CNTLN: variants seen among roughly 807,000 people sequenced by gnomAD.
The protein encoded by CNTLN is centlein, centrosomal protein.
In CNTLN, 212 loss-of-function variants were observed where a neutral mutation model predicts 180.0. The observed-to-expected ratio is 1.18, with a 90% CI of 1.05 to 1.32. The LOEUF is 1.32. CNTLN is among the 40% of genes most tolerant of loss of function. The pLI is 0.00. For missense variants in CNTLN, 2,095 were observed against 1,610.9 expected (o/e 1.30, Z -5.14); for synonymous variants, 722 against 563.1 (o/e 1.28, Z -3.99).
intron 6 of CNTLN, among the ~76,000 whole-genome samples, chr9:17,282,533 G>A (rs1374147078): frequency 1.3e-5 from 2 of 152,066 alleles, no homozygotes; most frequent in Non-Finnish European, 2.9e-5. Context: ...CCATTCTGTA[G>A]GTTGCCTGTT....
chr9:17,347,588 G>C (rs1335276581), intron 12 of CNTLN, among the ~76,000 whole-genome samples: 2 of 149,964 alleles, frequency 1.3e-5, no homozygotes, highest in East Asian at 2.0e-4. Flanking sequence ...AGAATCGCTT[G>C]AACCCAGGAG....
intron 7 of CNTLN, chr9:17,299,980 G>T (rs1420038360): frequency 5.9e-6 from 1 of 170,730 alleles, no homozygotes; most frequent in Non-Finnish European, 1.2e-5. Flanking sequence ...AATGTTCCAG[G>T]CCTCACTCTT....
intron 8 of CNTLN, among the ~76,000 whole-genome samples, chr9:17,323,625 T>G (rs1219056811): frequency 1.3e-5 from 2 of 152,212 alleles, no homozygotes; most frequent in Non-Finnish European, 2.9e-5. Context: ...AGATAATTTG[T>G]AAATTACTTT....
intron 18 of CNTLN, among the ~76,000 whole-genome samples, chr9:17,441,429 G>T (rs576385944): frequency 7.2e-5 from 11 of 152,132 alleles, no homozygotes; most frequent in African/African-American, 2.4e-4. Context: ...TTACATGTGA[G>T]AAGTAAACGT....
At position 17,158,527 on chromosome 9, in the gene CNTLN, T is replaced by C. The variant is rs146403119; in HGVS notation, c.449+15151T>C. Among the ~76,000 whole-genome samples, 57 of 152,146 alleles carry C rather than the reference T, an allele frequency of 3.7e-4. No individual in the cohort carries two copies. In the East Asian group the frequency reaches 4.4e-3, roughly 12 times the overall value. On this transcript the variant is annotated intron_variant, in intron 2 of 25. Coordinates refer to ENST00000380647, the MANE Select transcript of CNTLN (RefSeq NM_017738.4). ...GGTCTAGGCTTTTCTTTGTGGGTAA[T>C]TTTATAGTTATGAGTTCATTTTCTT...
intron 2 of CNTLN, among the ~76,000 whole-genome samples, chr9:17,151,676 A>T (rs1487583860): frequency 6.6e-6 from 1 of 152,190 alleles, no homozygotes; most frequent in Non-Finnish European, 1.5e-5. Flanking sequence ...TGGCCTCATA[A>T]AATGAGTTAG....
At chr9:17,494,899 G>A in intron 25 of CNTLN, 2 of 113,970 alleles carry the variant, frequency 1.8e-5, no homozygotes, top group Non-Finnish European at 1.6e-5. Flanking sequence ...TTTTTTTTTT[G>A]GTCACAGAGT....
intron 2 of CNTLN, among the ~76,000 whole-genome samples, chr9:17,179,159 G>A (rs1820950119): frequency 6.9e-6 from 1 of 145,750 alleles, no homozygotes; most frequent in African/African-American, 2.6e-5. Context: ...CAGGAGAATG[G>A]CGTGAACCCG....
downstream of CNTLN, among the ~76,000 whole-genome samples, chr9:17,506,739 C>A (rs200753824): frequency 2.1e-5 from 3 of 140,954 alleles, no homozygotes; most frequent in East Asian, 2.1e-4. Context: ...GTAAAAACAA[C>A]AAAATGTACC....
At chr9:17,348,598 T>G (rs990057130) in intron 12 of CNTLN, among the ~76,000 whole-genome samples, 2 of 151,830 alleles carry the variant, frequency 1.3e-5, no homozygotes, top group African/African-American at 2.4e-5. Flanking sequence ...TGGAGTGATT[T>G]TGGCTCACTG....
At chr9:17,462,513 A>G (rs1392397516) in intron 19 of CNTLN, among the ~76,000 whole-genome samples, 1 of 151,798 alleles carries the variant, frequency 6.6e-6, no homozygotes, top group African/African-American at 2.4e-5. Flanking sequence ...CCCCTGCTTG[A>G]TGAGCAGCAA....
intron 5 of CNTLN, among the ~76,000 whole-genome samples, chr9:17,269,456 A>G (rs1485717664): frequency 1.3e-5 from 2 of 151,848 alleles, no homozygotes; most frequent in East Asian, 3.9e-4. Context: ...TGGTTTTGGT[A>G]TGTTTTCTAA....
chr9:17,290,783 T>C (rs1759609), intron 6 of CNTLN, among the ~76,000 whole-genome samples: 70,090 of 150,408 alleles, frequency 0.47, 17,481 homozygotes, highest in South Asian at 0.64. Context: ...CAGGTGCGTC[T>C]GTCACCCCTT....
chr9:17,374,486 TA>T (rs1824589788), intron 13 of CNTLN, among the ~76,000 whole-genome samples: 1 of 152,012 alleles, frequency 6.6e-6, no homozygotes, highest in Non-Finnish European at 1.5e-5. Context: ...AAGATGTGGG[TA>T]AAAGGGAACT....
intron 2 of CNTLN, among the ~76,000 whole-genome samples, chr9:17,207,325 G>A (rs551757703): frequency 1.2e-4 from 18 of 152,116 alleles, no homozygotes; most frequent in East Asian, 7.7e-4. Flanking sequence ...CTTCCCTTGC[G>A]CGTTTCCCAC....
At chr9:17,403,501 C>T (rs1192689044) in intron 15 of CNTLN, among the ~76,000 whole-genome samples, 1 of 150,388 alleles carries the variant, frequency 6.6e-6, no homozygotes, top group Non-Finnish European at 1.5e-5. Flanking sequence ...CTCTTAGTGT[C>T]AGGTTGATTA....
intron 6 of CNTLN, among the ~76,000 whole-genome samples, chr9:17,277,762 A>G (rs1382592190): frequency 6.6e-6 from 1 of 152,242 alleles, no homozygotes; most frequent in East Asian, 1.9e-4. Context: ...AATTTACAAT[A>G]TTACTGGAGG....
intron 2 of CNTLN, among the ~76,000 whole-genome samples, chr9:17,165,694 A>C (rs952459676): frequency 6.6e-6 from 1 of 152,214 alleles, no homozygotes; most frequent in Non-Finnish European, 1.5e-5. Context: ...AGGCATATCA[A>C]GGTACAGGAT....
At chr9:17,351,056 T>C (rs1421920096) in intron 12 of CNTLN, among the ~76,000 whole-genome samples, 3 of 152,166 alleles carry the variant, frequency 2.0e-5, no homozygotes, top group African/African-American at 7.2e-5. Flanking sequence ...AGGATACTTT[T>C]TCAAATTCTC....
Sources: allele counts gnomAD v4.1 joint callset (sites outside exome capture counted in the v4.1 genomes callset), GRCh38; gene constraint gnomAD v4.1.1; transcripts MANE v1.5; gene names NCBI Gene and HGNC (gene_info 2026-07-23, HGNC 2026-07-21).